The following RAB36 variants were observed in gnomAD, a reference collection of about 807,000 sequenced individuals.
RAB36 encodes ras-related protein Rab-36.
In RAB36, 33 loss-of-function variants were observed where a neutral mutation model predicts 39.3. The ratio of observed to expected loss-of-function variants is 0.84; its 90% confidence interval spans 0.64 to 1.12. The LOEUF (loss-of-function observed/expected upper bound fraction) is 1.12. RAB36 is among the 50% of genes most tolerant of loss of function. RAB36 has a pLI of 0.00. For synonymous variants in RAB36, 133 were observed against 140.2 expected (o/e 0.95, Z 0.36); for missense variants, 308 against 355.3 (o/e 0.87, Z 1.07).
chr22:23,145,579 C>T (rs760825694), intron 1 of RAB36, 28 bp downstream of exon 1: 1 of 1,584,650 alleles, frequency 6.3e-7, no homozygotes, highest in East Asian at 2.3e-5. Flanking sequence ...CTCTGTCCGA[C>T]CCTCCCGGTC....
At position 23,164,745 on chromosome 22, in the gene RAB36, T is replaced by C. The variant is rs78020146; in HGVS notation, c.*3181T>C. ...TTCCCTGTTTCCCTGGACCCTTTCC[T>C]GCTCTCTGTCCATCTGTGTGTCCTT... On this transcript the variant is annotated 3_prime_UTR_variant, in exon 11 of 11. Transcript: ENST00000263116. Among the ~76,000 whole-genome samples, 12,440 of 152,100 alleles carry C rather than the reference T, an allele frequency of 0.082. 1,726 individuals are homozygous for C. Among genetic ancestry groups the C allele is most frequent in the African/African-American group, 0.28 (11,805 of 41,430 alleles).
At chr22:23,156,430 G>A (rs958170615) in intron 6 of RAB36, 1 of 168,018 alleles carries the variant, frequency 6.0e-6, no homozygotes. Flanking sequence ...GGGGGACCAC[G>A]GGAGGACTGG....
Position 23,161,990 on chromosome 22 carries a change from C to T in RAB36, c.*426C>T, listed in dbSNP as rs564734367. On this transcript the variant is annotated 3_prime_UTR_variant, in exon 11 of 11. Coordinates refer to ENST00000263116, the MANE Select transcript of RAB36 (RefSeq NM_004914.5). ...CGATCTTGGATGTGTCCCCAGGATC[C>T]GTCACAGTGTTCCAGGCAACCTGGA... The T allele has an allele frequency of 4.2e-4, 73 of 175,686 alleles. No individual in the cohort carries two copies. The highest frequency in any genetic ancestry group is 1.4e-3 in the African/African-American group (60 of 41,916). The allele number at this position is 175,686 out of a possible 1,614,324, so 10.9% of individuals were successfully genotyped here.
chr22:23,158,749 C>T (rs1218227478), intron 7 of RAB36, 149 bp from the exon 8 acceptor site: 1 of 691,612 alleles, frequency 1.4e-6, no homozygotes, highest in African/African-American at 1.8e-5. Flanking sequence ...GGAGGTGCAG[C>T]ATCCTGCTCA....
At chr22:23,149,068 C>T (rs539195507) in intron 2 of RAB36, among the ~76,000 whole-genome samples, 1 of 152,314 alleles carries the variant, frequency 6.6e-6, no homozygotes, top group South Asian at 2.1e-4. Context: ...TCAATCACAG[C>T]TGGAACTGAG....
At position 23,163,211 on chromosome 22, in the gene RAB36, A is replaced by G. The variant is rs2008176; in HGVS notation, c.*1647A>G. On this transcript the variant is annotated 3_prime_UTR_variant, in exon 11 of 11. Transcript: ENST00000263116. ...CAAGGGTGAGCCACCATGCCCGGCC[A>G]TAAATGATTTTATTCATTTTTATGT... 78,125 of 153,158 alleles carry G rather than the reference A, an allele frequency of 0.51. 19,991 individuals are homozygous for G. Among genetic ancestry groups the G allele is most frequent in the East Asian group, 0.65 (3,268 of 5,048 alleles). The allele number at this position is 153,158 out of a possible 1,614,324, so 9.5% of individuals were successfully genotyped here. A position where few individuals can be genotyped will look rare whatever the true frequency, so the allele number is the denominator to read the frequency against.
intron 3 of RAB36, among the ~76,000 whole-genome samples, chr22:23,150,447 G>A (rs1470351258): frequency 6.6e-6 from 1 of 151,890 alleles, no homozygotes; most frequent in East Asian, 1.9e-4. Flanking sequence ...GACTACAGGC[G>A]CCCGCCACCA....
intron 10 of RAB36, among the ~76,000 whole-genome samples, chr22:23,161,254 A>G (rs1298773508): frequency 6.6e-6 from 1 of 152,026 alleles, no homozygotes; most frequent in African/African-American, 2.4e-5. Context: ...AGGTCCTCAT[A>G]GCCCAGGCTG....
intron 2 of RAB36, among the ~76,000 whole-genome samples, chr22:23,148,493 G>T (rs1032824872): frequency 1.3e-5 from 2 of 152,170 alleles, no homozygotes; most frequent in African/African-American, 4.8e-5. Context: ...ACCTGGCCGT[G>T]TCTGGCTCCA....
At chr22:23,156,535 G>A (rs1368973606) in intron 6 of RAB36, among the ~76,000 whole-genome samples, 1 of 152,174 alleles carries the variant, frequency 6.6e-6, no homozygotes, top group East Asian at 1.9e-4. Flanking sequence ...CGTCAGCAGG[G>A]GGCGGCAGCA....
intron 1 of RAB36, 125 bp downstream of exon 1, chr22:23,145,676 G>A: frequency 1.7e-6 from 2 of 1,171,088 alleles, no homozygotes; most frequent in Non-Finnish European, 2.3e-6. Context: ...ACTTGAAAGC[G>A]GCCTGCGGCC....
At chr22:23,152,369 C>T in intron 3 of RAB36, 92 bp from the exon 4 acceptor site, 1 of 1,344,014 alleles carries the variant, frequency 7.4e-7, no homozygotes, top group Non-Finnish European at 1.1e-6. Flanking sequence ...GGGTGTCTCA[C>T]CAGCAGAGAG....
rs9624038 is a variant in RAB36 at position 23,161,520 on chromosome 22, G to A, written c.760G>A (p.Glu254Lys). The A allele has an allele frequency of 3.9e-4, 636 of 1,612,852 alleles. 2 individuals carry two copies. The African/African-American group carries it at 7.4e-3, about 19-fold the overall frequency. ...TACAGAAATGGAAGGGAGTCCGCCCGAGACCCAGGAGAGCAAGAGGCCCTC... is the reference window on the plus strand; with the variant it reads ...TACAGAAATGGAAGGGAGTCCGCCCAAGACCCAGGAGAGCAAGAGGCCCTC... ...DLIQMEGSPP[E>K]TQESKRPSSL... Residue 254 changes from glutamate to lysine, a missense_variant, in exon 11 of 11, where the codon GAG becomes AAG. Physicochemically the swap from Glu to Lys is moderately conservative, Grantham distance 56. Transcript: ENST00000263116.
At chr22:23,160,711 G>A (rs755810345) in intron 9 of RAB36, among the ~76,000 whole-genome samples, 168 bp from the exon 10 acceptor site, 2 of 152,180 alleles carry the variant, frequency 1.3e-5, no homozygotes, top group Non-Finnish European at 2.9e-5. Context: ...TGTGCTGCCT[G>A]TGTGAGTGGG....
Position 23,161,011 on chromosome 22 carries a change from G to A in RAB36, c.739+13G>A, listed in dbSNP as rs770002526. ...GGAGACCTAATCCGTGAGTATAGGTGTGACTGGGTTGGGCTGGGGAGTAGG... is the reference window on the plus strand; with the variant it reads ...GGAGACCTAATCCGTGAGTATAGGTATGACTGGGTTGGGCTGGGGAGTAGG... On this transcript the variant is annotated intron_variant, in intron 10 of 10. Coordinates refer to ENST00000263116, the MANE Select transcript of RAB36 (RefSeq NM_004914.5). The A allele has an allele frequency of 1.9e-6, 3 of 1,594,700 alleles. No individual in the cohort carries two copies. Among genetic ancestry groups the A allele is most frequent in the Non-Finnish European group, 1.7e-6 (2 of 1,165,734 alleles).
intron 1 of RAB36, 113 bp downstream of exon 1, chr22:23,145,664 T>C (rs891290727): frequency 7.2e-5 from 90 of 1,249,414 alleles, no homozygotes; most frequent in Non-Finnish European, 9.3e-5. Flanking sequence ...CCCGCCCCTA[T>C]AACTTGAAAG....
intron 4 of RAB36, 143 bp from the exon 5 acceptor site, chr22:23,152,890 C>A: frequency 1.5e-6 from 1 of 667,802 alleles, no homozygotes; most frequent in Non-Finnish European, 2.6e-6. Flanking sequence ...GCTGGCTGCC[C>A]TGCCCACCCA....
intron 1 of RAB36, 126 bp from the exon 2 acceptor site, chr22:23,146,479 T>A: frequency 7.2e-7 from 1 of 1,398,416 alleles, no homozygotes; most frequent in Non-Finnish European, 9.4e-7. Flanking sequence ...CCCAAAGTGC[T>A]GGGATTACAG....
At chr22:23,154,137 CTCTGCCCCGG>C (rs1569210681) in intron 5 of RAB36, among the ~76,000 whole-genome samples, 2 of 152,148 alleles carry the variant, frequency 1.3e-5, no homozygotes, top group Non-Finnish European at 2.9e-5. Context: ...GGTAGCTTCC[CTCTGCCCCGG>C]CACCTGGAGA....
Sources: gnomAD v4.1 joint callset for allele counts (sites outside exome capture counted in the v4.1 genomes callset) on GRCh38, gnomAD v4.1.1 for gene constraint, MANE v1.5 for transcripts, NCBI Gene and HGNC (gene_info 2026-07-23, HGNC 2026-07-21) for gene names.